Variants in VAV2 observed in about 807,000 individuals in gnomAD.
VAV2 encodes the protein guanine nucleotide exchange factor VAV2.
Under a neutral mutation model 132.5 loss-of-function variants are expected in VAV2, and 67 were observed. The observed-to-expected ratio is 0.51, with a 90% CI of 0.42 to 0.62. VAV2 has a LOEUF of 0.62. VAV2 is among the 20% of genes least tolerant of loss of function. VAV2 has a pLI of 0.00. For missense variants in VAV2, 938 were observed against 1,153.6 expected, an observed-to-expected ratio of 0.81 and a Z score of 2.71; for synonymous variants, 492 against 443.5, an observed-to-expected ratio of 1.11 and a Z score of -1.37.
Position 133,879,844 on chromosome 9 carries a change from G to C in VAV2, c.322-18412C>G. The stretch of plus-strand genomic sequence containing the variant: ...GTGTTTATGGAAACAGATGGAAACC[G>C]GCCGCAGACGAAGCTCTGGCATCCA... On this transcript the variant is annotated intron_variant, in intron 2 of 29. Transcript: ENST00000371850. The surrounding 1 kb of genome is among the most constrained non-coding windows in gnomAD (Gnocchi z 4.4). Among the ~76,000 whole-genome samples the C allele has an allele frequency of 6.6e-6, 1 of 152,198 alleles. No homozygotes were observed. The highest frequency in any genetic ancestry group is 2.1e-4 in the South Asian group (1 of 4,830).
intron 5 of VAV2, 125 bp downstream of exon 5, chr9:133,811,989 G>A (rs894938344): frequency 1.2e-4 from 112 of 943,152 alleles, no homozygotes; most frequent in Non-Finnish European, 1.6e-4. Flanking sequence ...ACGTCCCCCT[G>A]CACCCAGAGC....
chr9:133,939,368 C>G (rs543465846), intron 1 of VAV2, 149 bp from the exon 2 acceptor site: 209 of 753,394 alleles, frequency 2.8e-4, no homozygotes, highest in Non-Finnish European at 3.9e-4. Flanking sequence ...GAAATGGGCT[C>G]AGAGAGATGA....
intron 1 of VAV2, among the ~76,000 whole-genome samples, chr9:133,972,322 G>A (rs913734796): frequency 1.3e-5 from 2 of 152,210 alleles, no homozygotes; most frequent in South Asian, 2.1e-4. Flanking sequence ...GCACCCGTCC[G>A]TCCGACCCTT....
At chr9:133,898,962 C>A (rs922250191) in intron 2 of VAV2, among the ~76,000 whole-genome samples, 1 of 151,934 alleles carries the variant, frequency 6.6e-6, no homozygotes, top group Non-Finnish European at 1.5e-5. Context: ...GCTGGGACTA[C>A]AGGCACCCGC....
chr9:133,856,032 G>A lies in VAV2; in HGVS notation c.380+5342C>T, dbSNP rs867075357. 1.6e-4 allele frequency among the ~76,000 whole-genome samples: 24 copies of A among 152,316 alleles called. 1 individual carries two copies. Among genetic ancestry groups the A allele is most frequent in the Middle Eastern group, 6.8e-3 (2 of 294 alleles). On this transcript the variant is annotated intron_variant, in intron 3 of 29. Transcript: ENST00000371850. ...TGGGTGAACCTTGAAAACAAGATGC[G>A]GGGTGGGAGAAGCCACGTGCGAAAG...
In VAV2 at chr9:133,768,357, T is replaced by C. The variant is rs2131561922; in HGVS notation, c.2589+85A>G. On this transcript the variant is annotated intron_variant, in intron 29 of 29. Transcript: ENST00000371850. The surrounding 1 kb of genome is among the most constrained non-coding windows in gnomAD (Gnocchi z 5.3). ...TGGAACAGGGCCTGGGGTGTGGACA[T>C]AGGTGTGGTGCTAGTCTGCCTGAGC... 1 of 1,536,790 alleles carries C rather than the reference T, an allele frequency of 6.5e-7. No homozygotes were observed. Among genetic ancestry groups the C allele is most frequent in the Non-Finnish European group, 8.8e-7 (1 of 1,141,250 alleles).
At chr9:133,874,372 G>A (rs1042382511) in intron 2 of VAV2, among the ~76,000 whole-genome samples, 4 of 152,142 alleles carry the variant, frequency 2.6e-5, no homozygotes, top group East Asian at 1.9e-4. Context: ...CACAGATGGC[G>A]CCTCCCTCCC....
intron 3 of VAV2, among the ~76,000 whole-genome samples, chr9:133,858,934 G>A (rs916818507): frequency 1.3e-5 from 2 of 152,222 alleles, no homozygotes; most frequent in Non-Finnish European, 2.9e-5. Flanking sequence ...CGACCTGAGA[G>A]GGAAGAGGGC....
intron 2 of VAV2, among the ~76,000 whole-genome samples, chr9:133,899,556 C>T (rs1218083222): frequency 2.6e-5 from 4 of 151,620 alleles, no homozygotes; most frequent in African/African-American, 9.7e-5. Context: ...GCTGGGATTA[C>T]AGGCACCTGC....
rs199616982 is a variant in VAV2 at position 133,806,180 on chromosome 9, T to C, written c.737A>G (p.Asp246Gly). 6.2e-7 allele frequency: 1 copy of C among 1,611,326 alleles called. No individual in the cohort carries two copies. Residue 246 changes from aspartate (D) to glycine (G), a missense_variant and splice_region_variant, in exon 9 of 30, where the codon GAC becomes GGC. Physicochemically the swap from Asp to Gly is moderately conservative, Grantham distance 94. Transcript: ENST00000371850. ...GAAGCTGTGATGCACCTTGATCAGG[T>C]CCTGGGTTGAAAACCAGCCGTGAGT... ...DMAAVFINLE[D>G]LIKVHHSFLR...
intron 19 of VAV2, among the ~76,000 whole-genome samples, chr9:133,782,963 G>A (rs1315095058): frequency 6.6e-6 from 1 of 152,184 alleles, no homozygotes; most frequent in African/African-American, 2.4e-5. Flanking sequence ...CTGCCAGCCT[G>A]GCTCAATCCT....
chr9:133,901,804 G>A (rs1054135415), intron 2 of VAV2, among the ~76,000 whole-genome samples: 3 of 152,208 alleles, frequency 2.0e-5, no homozygotes, highest in African/African-American at 7.2e-5. Flanking sequence ...GAACCCCAGC[G>A]CCCACTGCCA....
chr9:133,809,082 C>T lies in VAV2; in HGVS notation c.624G>A (p.Glu208=), dbSNP rs1835264164. 1 of 1,614,026 alleles carries T rather than the reference C, an allele frequency of 6.2e-7. No individual in the cohort carries two copies. Among genetic ancestry groups the T allele is most frequent in the Non-Finnish European group, 8.5e-7 (1 of 1,179,950 alleles). Residue 208 remains glutamate, a synonymous_variant, in exon 7 of 30, where the codon GAG becomes GAA. Transcript: ENST00000371850. ...KRNCCLLEIQ[E]TEAKYYRTLE... ...GGGTGCGGTAGTACTTGGCCTCGGTCTCCTGGATCTCCAGCAGGCAGCAGT... is the reference window on the plus strand; with the variant it reads ...GGGTGCGGTAGTACTTGGCCTCGGTTTCCTGGATCTCCAGCAGGCAGCAGT...
chr9:133,972,471 C>A (rs1018026291), intron 1 of VAV2, among the ~76,000 whole-genome samples: 3 of 131,506 alleles, frequency 2.3e-5, no homozygotes, highest in Non-Finnish European at 4.8e-5. Context: ...CAGCGGAGAG[C>A]CCATGTCATT....
rs369625256 is a variant in VAV2, at chr9:133,812,099, C to A, written c.552+15G>T. 1 of 1,612,046 alleles carries A rather than the reference C, an allele frequency of 6.2e-7. No homozygotes were observed. Among genetic ancestry groups the A allele is most frequent in the Non-Finnish European group, 8.5e-7 (1 of 1,178,584 alleles). On this transcript the variant is annotated intron_variant, in intron 5 of 29. Transcript: ENST00000371850. The stretch of plus-strand genomic sequence containing the variant: ...GAAGGGAGGGGAAGGGAGGGAGGAG[C>A]GGGGCAGGGCTCACCATGGGCTGCT...
intron 1 of VAV2, among the ~76,000 whole-genome samples, chr9:133,948,349 C>T (rs1841440264): frequency 2.0e-5 from 3 of 152,256 alleles, no homozygotes; most frequent in South Asian, 4.1e-4. Context: ...CGCATGGCCT[C>T]GCATGAGTGT....
At chr9:133,791,551 C>T (rs2131620187) in intron 13 of VAV2, among the ~76,000 whole-genome samples, 1 of 152,040 alleles carries the variant, frequency 6.6e-6, no homozygotes, top group South Asian at 2.1e-4. Flanking sequence ...CCCCCTCCCC[C>T]CGAGCACAGG....
At chr9:133,881,638 G>A (rs1473332461) in intron 2 of VAV2, among the ~76,000 whole-genome samples, 2 of 152,348 alleles carry the variant, frequency 1.3e-5, no homozygotes, top group South Asian at 4.1e-4. Flanking sequence ...GGAAACCGCC[G>A]AGGTCCCAGA....
intron 2 of VAV2, among the ~76,000 whole-genome samples, chr9:133,933,952 G>GATGGA (rs57228303): frequency 0.036 from 4,728 of 130,082 alleles, 258 homozygotes; most frequent in African/African-American, 0.11. Flanking sequence ...TGGATGGATG[G>GATGGA]TGGATGGATG....
Sources: gnomAD v4.1 joint callset for allele counts (sites outside exome capture counted in the v4.1 genomes callset) on GRCh38, gnomAD v4.1.1 for gene constraint, Gnocchi (gnomAD v3.1) non-coding constraint, MANE v1.5 for transcripts, NCBI Gene and HGNC (gene_info 2026-07-23, HGNC 2026-07-21) for gene names.